Variants in ST8SIA6 observed in about 807,000 individuals in gnomAD.
ST8SIA6 encodes alpha-2,8-sialyltransferase 8F.
In ST8SIA6, 39 loss-of-function variants were observed where a neutral mutation model predicts 33.6. The observed-to-expected ratio is 1.16, with a 90% CI of 0.90 to 1.52. ST8SIA6 has a LOEUF of 1.52. ST8SIA6 is among the 40% of genes most tolerant of loss of function. ST8SIA6 has a pLI of 0.00. For synonymous variants in ST8SIA6, 172 were observed against 167.2 expected, an observed-to-expected ratio of 1.03 and a Z score of -0.22; for missense variants, 441 against 443.8, an observed-to-expected ratio of 0.99 and a Z score of 0.06.
chr10:17,371,615 T>C (rs1328640863), intron 3 of ST8SIA6, among the ~76,000 whole-genome samples: 1 of 151,580 alleles, frequency 6.6e-6, no homozygotes, highest in Non-Finnish European at 1.5e-5. Flanking sequence ...TGAAACCCCT[T>C]CTCGACTAAA....
intron 3 of ST8SIA6, among the ~76,000 whole-genome samples, chr10:17,384,801 C>CT (rs1172623957): frequency 6.6e-5 from 10 of 152,240 alleles, no homozygotes; most frequent in African/African-American, 2.4e-4. Context: ...AATGTATGGA[C>CT]TTCCGAGTAA....
intron 2 of ST8SIA6, among the ~76,000 whole-genome samples, chr10:17,396,064 G>A (rs572114099): frequency 1.3e-5 from 2 of 152,292 alleles, no homozygotes; most frequent in Non-Finnish European, 2.9e-5. Flanking sequence ...CGACCCATGA[G>A]TGGAGATGGC....
intron 3 of ST8SIA6, among the ~76,000 whole-genome samples, chr10:17,379,542 T>C (rs1020139809): frequency 1.3e-5 from 2 of 152,204 alleles, no homozygotes; most frequent in Non-Finnish European, 2.9e-5. Context: ...CTCATTAAGA[T>C]AGATGCATAT....
Position 17,321,093 on chromosome 10 carries a change from T to G in ST8SIA6, c.982A>C (p.Thr328Pro). The G allele has an allele frequency of 6.2e-7, 1 of 1,614,132 alleles. No homozygotes were observed. Among genetic ancestry groups the G allele is most frequent in the Non-Finnish European group, 8.5e-7 (1 of 1,179,992 alleles). The change falls in exon 8 of 8, where the codon ACA becomes CCA. Residue 328 changes from threonine (T) to proline (P), a missense_variant. Coordinates refer to ENST00000377602, the MANE Select transcript of ST8SIA6 (RefSeq NM_001004470.3). ...TTACACAGTTCCACTGCAACACTTG[T>G]GATCATCAAGCCGGTGGACAAGCGG... is the stretch of plus-strand genomic sequence containing the variant. ...AYRLSTGLMITSVAVELCKNV... is the reference protein window; with the variant it reads ...AYRLSTGLMIPSVAVELCKNV...
intron 4 of ST8SIA6, among the ~76,000 whole-genome samples, chr10:17,333,717 A>ATATATAGATATATATATATATATTT (rs1251981910): frequency 3.0e-5 from 1 of 33,772 alleles, no homozygotes; most frequent in African/African-American, 1.7e-4. Flanking sequence ...ATATATATAT[A>ATATATAGATATATATATATATATTT]TTTTTTTTTT....
intron 3 of ST8SIA6, among the ~76,000 whole-genome samples, chr10:17,371,283 A>G (rs1849723473): frequency 1.3e-5 from 2 of 152,192 alleles, no homozygotes; most frequent in African/African-American, 4.8e-5. Context: ...GCATTCCAGG[A>G]AAGCTCTGAC....
rs996220489 is a variant in ST8SIA6, at chr10:17,317,482, T to C, written c.*3396A>G. On this transcript the variant is annotated 3_prime_UTR_variant, in exon 8 of 8. Transcript: ENST00000377602. ...AGATATATCAGATGAATTCCTACAA[T>C]GCCTTCAATTTTTAATGGCATAATA... 6.6e-6 allele frequency among the ~76,000 whole-genome samples: 1 copy of C among 152,196 alleles called. No individual in the cohort carries two copies. Among genetic ancestry groups the C allele is most frequent in the African/African-American group, 2.4e-5 (1 of 41,458 alleles).
At chr10:17,346,298 T>C (rs1253235905) in intron 4 of ST8SIA6, among the ~76,000 whole-genome samples, 1 of 152,200 alleles carries the variant, frequency 6.6e-6, no homozygotes, top group African/African-American at 2.4e-5. Flanking sequence ...TGCAACCCTA[T>C]GAAAGCCCTC....
intron 4 of ST8SIA6, among the ~76,000 whole-genome samples, chr10:17,337,182 C>T (rs1322373126): frequency 2.0e-5 from 3 of 152,074 alleles, no homozygotes; most frequent in African/African-American, 7.3e-5. Flanking sequence ...GAAGAGCCTG[C>T]CACCTCTTTG....
In ST8SIA6 at chr10:17,436,523, TC is replaced by T. The variant is rs1276720229; in HGVS notation, c.200+17035del. The stretch of plus-strand genomic sequence containing the variant: ...CTCTCCTAATGCTATCCCTCCCCCC[TC>T]CCCCCACCCCACAACAGTCCCTGGT... On this transcript the variant is annotated intron_variant, in intron 2 of 7. Transcript: ENST00000377602. 6.0e-5 allele frequency among the ~76,000 whole-genome samples: 4 copies of T among 67,106 alleles called. 1 individual carries two copies. The highest frequency in any genetic ancestry group is 8.2e-5 in the Non-Finnish European group (3 of 36,396). 44.0% of individuals were successfully genotyped at this position (67,106 alleles called of 152,430 possible). A position where few individuals can be genotyped will look rare whatever the true frequency, so the allele number is the denominator to read the frequency against.
intron 5 of ST8SIA6, among the ~76,000 whole-genome samples, chr10:17,329,596 T>C (rs1409271910): frequency 1.3e-5 from 2 of 152,068 alleles, no homozygotes; most frequent in African/African-American, 2.4e-5. Context: ...ATAGATAGGG[T>C]AGGATGCAAA....
At chr10:17,325,724 C>T (rs1848111699) in intron 6 of ST8SIA6, among the ~76,000 whole-genome samples, 1 of 152,002 alleles carries the variant, frequency 6.6e-6, no homozygotes, top group Non-Finnish European at 1.5e-5. Context: ...CCTCATTTTG[C>T]CTTTCAGTTC....
chr10:17,355,886 A>G (rs1849173964), intron 4 of ST8SIA6, among the ~76,000 whole-genome samples: 2 of 152,148 alleles, frequency 1.3e-5, no homozygotes, highest in Non-Finnish European at 2.9e-5. Flanking sequence ...CTTGAATCTT[A>G]TTGCCTTTCT....
chr10:17,333,711 A>AT (rs1564405095), intron 4 of ST8SIA6, among the ~76,000 whole-genome samples: 1 of 24,360 alleles, frequency 4.1e-5, no homozygotes. Flanking sequence ...ATATATATAT[A>AT]TATATATTTT....
At chr10:17,453,391 GGTGCCCCCCCCCAACCCCGC>G (rs929563488) in intron 2 of ST8SIA6, among the ~76,000 whole-genome samples, 148 bp downstream of exon 2, 99 of 151,390 alleles carry the variant, frequency 6.5e-4, no homozygotes, top group Non-Finnish European at 1.3e-4. Flanking sequence ...GAGTGTGAAG[GGTGCCCCCCCCCAACCCCGC>G]GCCCTCTTCA....
At chr10:17,450,438 A>C (rs1240334982) in intron 2 of ST8SIA6, among the ~76,000 whole-genome samples, 2 of 152,024 alleles carry the variant, frequency 1.3e-5, no homozygotes, top group Non-Finnish European at 2.9e-5. Context: ...CCTGAATGTC[A>C]TCTTTTTCTT....
At chr10:17,329,755 A>G (rs536612786) in intron 5 of ST8SIA6, among the ~76,000 whole-genome samples, 102 of 152,352 alleles carry the variant, frequency 6.7e-4, no homozygotes, top group African/African-American at 1.9e-3. Flanking sequence ...TCTCATGTTC[A>G]GTATGAATTT....
intron 2 of ST8SIA6, among the ~76,000 whole-genome samples, chr10:17,452,243 G>C (rs193269927): frequency 8.5e-5 from 13 of 152,248 alleles, no homozygotes; most frequent in African/African-American, 2.9e-4. Context: ...TTCCAATGAG[G>C]GGGTGGCAGG....
intron 3 of ST8SIA6, among the ~76,000 whole-genome samples, chr10:17,385,840 T>C (rs1439078537): frequency 6.6e-6 from 1 of 152,132 alleles, no homozygotes; most frequent in Non-Finnish European, 1.5e-5. Context: ...CCTGAGGCTG[T>C]GTCACGGGCG....
Sources: allele counts gnomAD v4.1 joint callset (sites outside exome capture counted in the v4.1 genomes callset), GRCh38; gene constraint gnomAD v4.1.1; transcripts MANE v1.5; gene names NCBI Gene and HGNC (gene_info 2026-07-23, HGNC 2026-07-21).